The following SUCLG2 variants were observed in gnomAD, a reference collection of about 807,000 sequenced individuals.
SUCLG2 encodes succinate-CoA ligase GDP-forming subunit beta.
Under a neutral mutation model 47.9 loss-of-function variants are expected in SUCLG2, and 42 were observed. The ratio of observed to expected loss-of-function variants is 0.88; its 90% CI spans 0.69 to 1.14. SUCLG2 has a LOEUF of 1.14. Among genes scored for constraint, SUCLG2 ranks in the 50% most tolerant of loss-of-function variants. The probability of loss-of-function intolerance (pLI) is 0.00; values close to 1 mark genes in which losing one functional copy is unlikely to be tolerated. For synonymous variants in SUCLG2, 195 were observed against 197.3 expected, an observed-to-expected ratio of 0.99 and a Z score of 0.10; for missense variants, 571 against 525.9, an observed-to-expected ratio of 1.09 and a Z score of -0.84.
intron 9 of SUCLG2, among the ~76,000 whole-genome samples, chr3:67,442,275 G>T (rs1439965383): frequency 6.6e-6 from 1 of 152,146 alleles, no homozygotes; most frequent in East Asian, 1.9e-4. Context: ...CTCCCAAAGT[G>T]CTGGGATTAC....
chr3:67,510,121 G>A (rs978006237), intron 6 of SUCLG2, among the ~76,000 whole-genome samples: 3 of 152,194 alleles, frequency 2.0e-5, no homozygotes, highest in Non-Finnish European at 4.4e-5. Flanking sequence ...TGTTCCTGGA[G>A]CATGTGGTTG....
intron 1 of SUCLG2, among the ~76,000 whole-genome samples, chr3:67,654,210 A>G (rs893676139): frequency 6.6e-6 from 1 of 152,258 alleles, no homozygotes; most frequent in Admixed American, 6.5e-5. Flanking sequence ...ACTTGCGTCC[A>G]GCGCCTGCTT....
intron 2 of SUCLG2, among the ~76,000 whole-genome samples, chr3:67,551,702 T>C (rs1160586072): frequency 6.6e-6 from 1 of 152,168 alleles, no homozygotes; most frequent in Non-Finnish European, 1.5e-5. Flanking sequence ...GTGCCATTAC[T>C]GATGTTGCCA....
At chr3:67,479,226 C>T (rs1449618286) in intron 9 of SUCLG2, among the ~76,000 whole-genome samples, 2 of 151,718 alleles carry the variant, frequency 1.3e-5, no homozygotes, top group Non-Finnish European at 2.9e-5. Context: ...TAGAAAAAGT[C>T]ACATGCTGAT....
chr3:67,570,728 G>C (rs948944407), intron 2 of SUCLG2, among the ~76,000 whole-genome samples: 6 of 152,176 alleles, frequency 3.9e-5, no homozygotes, highest in Admixed American at 3.9e-4. Context: ...TTAACGACAG[G>C]AGGGTAATGC....
chr3:67,486,977 C>T (rs989828307), intron 9 of SUCLG2, among the ~76,000 whole-genome samples: 7 of 152,144 alleles, frequency 4.6e-5, no homozygotes, highest in South Asian at 2.1e-4. Flanking sequence ...AGCACACAGG[C>T]GAATTTCCAA....
intron 9 of SUCLG2, among the ~76,000 whole-genome samples, chr3:67,406,981 A>T (rs1702827425): frequency 1.3e-5 from 2 of 152,216 alleles, no homozygotes; most frequent in Non-Finnish European, 2.9e-5. Flanking sequence ...GAATAGCTGG[A>T]TAATGATAAA....
chr3:67,499,749 G>A lies in SUCLG2; in HGVS notation c.758-1454C>T, dbSNP rs188849669. ...ATTTATTTATTTATTTATTTATTTC[G>A]GAGACAGAGTCTCACTCTGCTGCCC... On this transcript the variant is annotated intron_variant, in intron 7 of 10. Transcript: ENST00000307227. Among the ~76,000 whole-genome samples the A allele has an allele frequency of 2.0e-3, 301 of 148,974 alleles. 3 individuals carry two copies. Among genetic ancestry groups the A allele is most frequent in the African/African-American group, 7.1e-3 (280 of 39,212 alleles).
downstream of SUCLG2, among the ~76,000 whole-genome samples, chr3:67,372,716 GATCTT>G (rs1429716774): frequency 1.3e-5 from 2 of 152,094 alleles, no homozygotes; most frequent in African/African-American, 4.8e-5. Context: ...AAAGATCAAA[GATCTT>G]ATTTCCTACT....
intron 9 of SUCLG2, among the ~76,000 whole-genome samples, chr3:67,475,988 CCTCTCTCT>C (rs113119377): frequency 0.026 from 3,813 of 146,104 alleles, 159 homozygotes; most frequent in African/African-American, 0.089. Context: ...TTTCCTTCTC[CCTCTCTCT>C]CTCTCTCTCT....
intron 9 of SUCLG2, among the ~76,000 whole-genome samples, chr3:67,472,466 G>C (rs1704629022): frequency 6.6e-6 from 1 of 151,880 alleles, no homozygotes; most frequent in Admixed American, 6.6e-5. Flanking sequence ...TGTTTTCTGG[G>C]TTATCTTATA....
intron 9 of SUCLG2, among the ~76,000 whole-genome samples, chr3:67,487,699 C>T (rs1705094313): frequency 6.6e-6 from 1 of 152,090 alleles, no homozygotes; most frequent in Non-Finnish European, 1.5e-5. Context: ...ATAGCCAAGA[C>T]ATGGGAAAAT....
At chr3:67,432,280 C>T (rs1703503873) in intron 9 of SUCLG2, among the ~76,000 whole-genome samples, 1 of 152,186 alleles carries the variant, frequency 6.6e-6, no homozygotes, top group Admixed American at 6.5e-5. Flanking sequence ...AAGTAACTGG[C>T]TGCATATTAT....
intron 2 of SUCLG2, among the ~76,000 whole-genome samples, chr3:67,570,453 T>C (rs1305782883): frequency 1.3e-5 from 2 of 152,194 alleles, no homozygotes; most frequent in East Asian, 1.9e-4. Context: ...AGGCAACCCA[T>C]GTCATCCCTA....
intron 2 of SUCLG2, among the ~76,000 whole-genome samples, chr3:67,598,563 AC>A (rs1708345687): frequency 6.6e-6 from 1 of 152,144 alleles, no homozygotes; most frequent in Non-Finnish European, 1.5e-5. Flanking sequence ...TTACAGAAAC[AC>A]CTATACTTTA....
chr3:67,387,836 G>T (rs1702293318), intron 10 of SUCLG2, among the ~76,000 whole-genome samples: 1 of 152,006 alleles, frequency 6.6e-6, no homozygotes, highest in Non-Finnish European at 1.5e-5. Context: ...CAAGGTTTAT[G>T]CCTGTGGTTT....
intron 9 of SUCLG2, among the ~76,000 whole-genome samples, chr3:67,418,686 A>G (rs1424512092): frequency 2.0e-5 from 3 of 152,166 alleles, no homozygotes; most frequent in Non-Finnish European, 4.4e-5. Context: ...AGAATCTTTG[A>G]AGTCCCTGAG....
chr3:67,636,612 A>G (rs1474963158), intron 1 of SUCLG2, among the ~76,000 whole-genome samples: 3 of 151,952 alleles, frequency 2.0e-5, no homozygotes, highest in Admixed American at 2.0e-4. Flanking sequence ...TCGGCCTCCC[A>G]AAGTGCTGGG....
At chr3:67,387,668 AT>A (rs1702289937) in intron 10 of SUCLG2, among the ~76,000 whole-genome samples, 1 of 152,196 alleles carries the variant, frequency 6.6e-6, no homozygotes, top group African/African-American at 2.4e-5. Flanking sequence ...CGCAGATGAT[AT>A]TCATGCTGAA....
Sources: gnomAD v4.1 joint callset for allele counts (sites outside exome capture counted in the v4.1 genomes callset) on GRCh38, gnomAD v4.1.1 for gene constraint, MANE v1.5 for transcripts, NCBI Gene and HGNC (gene_info 2026-07-23, HGNC 2026-07-21) for gene names.